ASCL5: variants seen among roughly 807,000 people sequenced by gnomAD.
ASCL5 encodes achaete-scute family bHLH transcription factor 5.
For synonymous variants in ASCL5, 124 were observed against 131.5 expected (o/e 0.94, Z 0.39); for missense variants, 262 against 268.9 (o/e 0.97, Z 0.18).
At chr1:201,123,397 G>T (rs890734248) in intron 1 of ASCL5, among the ~76,000 whole-genome samples, 1 of 152,140 alleles carries the variant, frequency 6.6e-6, no homozygotes, top group East Asian at 1.9e-4. Flanking sequence ...GAAGAAAAAA[G>T]GACTGCATCT....
chr1:201,124,511 C>G (rs74136323), intron 1 of ASCL5, among the ~76,000 whole-genome samples: 3,772 of 152,284 alleles, frequency 0.025, 147 homozygotes, highest in African/African-American at 0.085. Context: ...ACTCCTTTCT[C>G]TACAAAAAGG....
At chr1:201,121,296 G>A (rs1187279734) in intron 1 of ASCL5, among the ~76,000 whole-genome samples, 1 of 152,118 alleles carries the variant, frequency 6.6e-6, no homozygotes, top group African/African-American at 2.4e-5. Context: ...AAATCTTCAG[G>A]GTAAATGTAT....
chr1:201,121,716 G>A (rs963491106), intron 1 of ASCL5, among the ~76,000 whole-genome samples: 10 of 151,864 alleles, frequency 6.6e-5, no homozygotes, highest in East Asian at 1.9e-4. Flanking sequence ...CTGTAGTCCC[G>A]GCTACTCAGG....
intron 1 of ASCL5, among the ~76,000 whole-genome samples, chr1:201,119,022 T>C (rs1054345138): frequency 6.6e-6 from 1 of 152,060 alleles, no homozygotes; most frequent in Non-Finnish European, 1.5e-5. Flanking sequence ...AACAGAGAGG[T>C]TTACACTGAC....
intron 1 of ASCL5, among the ~76,000 whole-genome samples, chr1:201,119,303 C>T (rs1249828056): frequency 6.6e-6 from 1 of 152,144 alleles, no homozygotes; most frequent in Admixed American, 6.5e-5. Context: ...AGCCCCCTTG[C>T]CTGAGCTTAG....
chr1:201,118,413 A>G (rs1457729484), intron 1 of ASCL5, among the ~76,000 whole-genome samples: 1 of 151,448 alleles, frequency 6.6e-6, no homozygotes, highest in African/African-American at 2.4e-5. Flanking sequence ...TAAGCCCAGG[A>G]GGCAGATGTT....
chr1:201,122,168 T>G (rs924977699), intron 1 of ASCL5, among the ~76,000 whole-genome samples: 3 of 152,166 alleles, frequency 2.0e-5, no homozygotes, highest in Admixed American at 6.5e-5. Flanking sequence ...CTGCACTGAA[T>G]GAGGAAGTAC....
chr1:201,118,565 T>A (rs1663393272), intron 1 of ASCL5, among the ~76,000 whole-genome samples: 1 of 152,028 alleles, frequency 6.6e-6, no homozygotes, highest in South Asian at 2.1e-4. Flanking sequence ...GGAATTGTGT[T>A]CTGCATCTAT....
chr1:201,124,651 G>T (rs748258318), intron 1 of ASCL5, among the ~76,000 whole-genome samples: 8 of 152,226 alleles, frequency 5.3e-5, no homozygotes, highest in Non-Finnish European at 1.2e-4. Context: ...TAGATCCAGA[G>T]AATTCGTAGG....
intron 1 of ASCL5, among the ~76,000 whole-genome samples, chr1:201,116,886 G>A (rs1203600861): frequency 6.6e-6 from 1 of 152,158 alleles, no homozygotes. Flanking sequence ...GCGAGTGAGT[G>A]AGTGATGGGC....
chr1:201,123,752 T>G (rs532658829), intron 1 of ASCL5, among the ~76,000 whole-genome samples: 10 of 152,046 alleles, frequency 6.6e-5, no homozygotes, highest in Non-Finnish European at 1.5e-4. Flanking sequence ...GGAGGAAGAG[T>G]CTATGGCTCA....
chr1:201,120,363 G>T (rs1423671824), intron 1 of ASCL5, among the ~76,000 whole-genome samples: 1 of 152,078 alleles, frequency 6.6e-6, no homozygotes, highest in South Asian at 2.1e-4. Context: ...TGCTGTTAAT[G>T]GTTTCATACT....
chr1:201,116,245 C>A (rs940470202), intron 1 of ASCL5, among the ~76,000 whole-genome samples: 2 of 152,216 alleles, frequency 1.3e-5, no homozygotes, highest in Non-Finnish European at 2.9e-5. Flanking sequence ...CTGATCCCTT[C>A]CGGGGTCTTA....
At chr1:201,119,300 T>C (rs1199362771) in intron 1 of ASCL5, among the ~76,000 whole-genome samples, 1 of 152,186 alleles carries the variant, frequency 6.6e-6, no homozygotes, top group Non-Finnish European at 1.5e-5. Flanking sequence ...AGGAGCCCCC[T>C]TGCCTGAGCT....
chr1:201,115,451 G>T lies in ASCL5; in HGVS notation c.-79C>A. The T allele has an allele frequency of 8.6e-7, 1 of 1,168,214 alleles. No homozygotes were observed. Among genetic ancestry groups the T allele is most frequent in the Non-Finnish European group, 1.1e-6 (1 of 930,592 alleles). The allele number at this position is 1,168,214 out of a possible 1,614,324, so 72.4% of individuals were successfully genotyped here. On this transcript the variant is annotated 5_prime_UTR_variant, in exon 2 of 2. Transcript: ENST00000449188. ...TGGGGTCTGCACCGTCTCCACCAGT[G>T]GGGCAAGTCACATCGCTAGCAGCAG...
At chr1:201,120,308 G>C (rs1663426233) in intron 1 of ASCL5, among the ~76,000 whole-genome samples, 1 of 152,126 alleles carries the variant, frequency 6.6e-6, no homozygotes, top group African/African-American at 2.4e-5. Context: ...TATTGCCAGA[G>C]GATCTCACTG....
chr1:201,115,193 A>G lies in ASCL5; in HGVS notation c.180T>C (p.Tyr60=). The change falls in exon 2 of 2, where the codon TAT becomes TAC. Residue 60 remains tyrosine, a synonymous_variant. Transcript: ENST00000449188. ...AGGGCACGTAGGGGAACACCCCCGCATAGGCGTCGTAGTAGGGCGGCTCTG... is the reference window on the plus strand; with the variant it reads ...AGGGCACGTAGGGGAACACCCCCGCGTAGGCGTCGTAGTAGGGCGGCTCTG... ...GPAEPPYYDA[Y]AGVFPYVPFP... 2 of 1,231,554 alleles carry G rather than the reference A, an allele frequency of 1.6e-6. No individual in the cohort carries two copies. Among genetic ancestry groups the G allele is most frequent in the Non-Finnish European group, 2.0e-6 (2 of 987,924 alleles). The allele number at this position is 1,231,554 out of a possible 1,614,324, so 76.3% of individuals were successfully genotyped here. A position where few individuals can be genotyped will look rare whatever the true frequency, so the allele number is the denominator to read the frequency against.
At chr1:201,126,169 C>A (rs1663576011) in intron 1 of ASCL5, among the ~76,000 whole-genome samples, 1 of 151,724 alleles carries the variant, frequency 6.6e-6, no homozygotes, top group African/African-American at 2.4e-5. Context: ...AGGATCTCAC[C>A]TTGTCATGTG....
At chr1:201,125,234 C>T (rs1442825795) in intron 1 of ASCL5, among the ~76,000 whole-genome samples, 13 of 152,198 alleles carry the variant, frequency 8.5e-5, no homozygotes, top group African/African-American at 2.2e-4. Flanking sequence ...TGGCACGCTT[C>T]GTGGCTGGGA....
Sources: gnomAD v4.1 joint callset for allele counts (sites outside exome capture counted in the v4.1 genomes callset) on GRCh38, gnomAD v4.1.1 for gene constraint, MANE v1.5 for transcripts, NCBI Gene and HGNC (gene_info 2026-07-23, HGNC 2026-07-21) for gene names.